PPP6R1: variants seen among roughly 807,000 people sequenced by gnomAD.
PPP6R1 encodes serine/threonine-protein phosphatase 6 regulatory subunit 1.
PPP6R1 carries 39 observed loss-of-function variants against 104.6 expected under a neutral mutation model. The ratio of observed to expected loss-of-function variants is 0.37; its 90% CI spans 0.29 to 0.49. The LOEUF is 0.49. Ranked by LOEUF, PPP6R1 falls within the 20% of genes least tolerant of loss-of-function variation. PPP6R1 has a pLI of 0.98. For synonymous variants in PPP6R1, 549 were observed against 479.0 expected (o/e 1.15, Z -1.91); for missense variants, 1,181 against 1,155.8 (o/e 1.02, Z -0.32).
intron 17 of PPP6R1, 110 bp downstream of exon 17, chr19:55,236,533 G>T (rs1202900028): frequency 1.6e-6 from 2 of 1,232,940 alleles, no homozygotes; most frequent in East Asian, 5.2e-5. Context: ...ACCAATGCAG[G>T]TTCCTTATTT....
At chr19:55,238,101 A>G (rs1362076671) in intron 15 of PPP6R1, among the ~76,000 whole-genome samples, 3 of 151,952 alleles carry the variant, frequency 2.0e-5, no homozygotes, top group African/African-American at 7.3e-5. Context: ...TGGTCTCACA[A>G]TGTTGCCCAG....
chr19:55,253,992 T>C (rs1568952026), intron 1 of PPP6R1, among the ~76,000 whole-genome samples: 1 of 152,162 alleles, frequency 6.6e-6, no homozygotes, highest in Non-Finnish European at 1.5e-5. Flanking sequence ...GCTCAGCAGG[T>C]GCAAGTCTCT....
At chr19:55,252,951 C>G (rs537785352) in intron 1 of PPP6R1, among the ~76,000 whole-genome samples, 23 of 152,288 alleles carry the variant, frequency 1.5e-4, no homozygotes, top group African/African-American at 5.5e-4. Context: ...GGGCCAGGCT[C>G]AGGCCTTGCA....
chr19:55,234,383 T>TTTTACAC (rs1258548665), intron 17 of PPP6R1, among the ~76,000 whole-genome samples: 1 of 152,156 alleles, frequency 6.6e-6, no homozygotes, highest in African/African-American at 2.4e-5. Context: ...AATATTTCCT[T>TTTTACAC]TTTACACAGG....
At chr19:55,228,760 G>A (rs1469464935), downstream of PPP6R1, 2 of 1,612,458 alleles carry the variant, frequency 1.2e-6, no homozygotes, top group Non-Finnish European at 1.7e-6. Context: ...GATAGCCCCA[G>A]AGCGACCTAA....
intron 5 of PPP6R1, among the ~76,000 whole-genome samples, chr19:55,244,336 G>A (rs2087486938): frequency 6.6e-6 from 1 of 152,242 alleles, no homozygotes. Flanking sequence ...CCCTGTGCTG[G>A]GCACCAGGAC....
rs1196370141 is a variant in PPP6R1 at position 55,230,504 on chromosome 19, G to T, written c.*24C>A. On this transcript the variant is annotated 3_prime_UTR_variant, in exon 24 of 24. Transcript: ENST00000412770. ...AGATCCACGGGAGGACGGAAGATTTGGCCGCCGCTGCCGCACCAGGCAGCT... is the reference window on the plus strand; with the variant it reads ...AGATCCACGGGAGGACGGAAGATTTTGCCGCCGCTGCCGCACCAGGCAGCT... 2 of 1,612,014 alleles carry T rather than the reference G, an allele frequency of 1.2e-6. No individual in the cohort carries two copies. The highest frequency in any genetic ancestry group is 1.7e-5 in the Admixed American group (1 of 59,988).
At chr19:55,255,291 G>A (rs536505028) in intron 1 of PPP6R1, among the ~76,000 whole-genome samples, 1 of 152,252 alleles carries the variant, frequency 6.6e-6, no homozygotes, top group East Asian at 1.9e-4. Flanking sequence ...ACTGGCCACA[G>A]GTTTAAAGGA....
intron 10 of PPP6R1, among the ~76,000 whole-genome samples, chr19:55,240,548 C>CACACACACACATGCATGCACTAACGG (rs2087444375): frequency 6.6e-6 from 1 of 151,624 alleles, no homozygotes; most frequent in Non-Finnish European, 1.5e-5. Context: ...CACACACACA[C>CACACACACACATGCATGCACTAACGG]ACACACACAT....
intron 15 of PPP6R1, among the ~76,000 whole-genome samples, chr19:55,237,222 G>C (rs2087408105): frequency 1.3e-5 from 2 of 152,294 alleles, no homozygotes; most frequent in South Asian, 2.1e-4. Flanking sequence ...CTTGGCTCTA[G>C]AAGTGAGAAA....
In PPP6R1 at chr19:55,232,077, G is replaced by A. The variant is rs1211651846; in HGVS notation, c.2123C>T (p.Pro708Leu). The change falls in exon 18 of 24, where the codon CCA (proline) becomes CTA (leucine). Residue 708 changes from proline (P) to leucine (L), a missense_variant and splice_region_variant. Pro to Leu is a moderately conservative substitution (Grantham distance 98, BLOSUM62 -3). Around this residue, in one of 2 missense-constraint regions of PPP6R1, gnomAD observed 1,042 missense variants for 955.6 expected, o/e 1.09. Transcript: ENST00000412770. ...LSYPSPGPQP[P>L]GPSWTATFDP... ...GACCACACCGCCCATTCATTCACCT[G>A]GAGGCTGAGGGCCAGGGCTGGGGTA... 1.9e-6 allele frequency: 3 copies of A among 1,611,518 alleles called. No homozygotes were observed. The highest frequency in any genetic ancestry group is 1.7e-6 in the Non-Finnish European group (2 of 1,179,010).
intron 1 of PPP6R1, among the ~76,000 whole-genome samples, chr19:55,248,892 C>T (rs1341686714): frequency 6.6e-6 from 1 of 152,224 alleles, no homozygotes; most frequent in Non-Finnish European, 1.5e-5. Context: ...GCCAGGCCAG[C>T]CTGGGGCCAG....
intron 1 of PPP6R1, 184 bp from the exon 2 acceptor site, chr19:55,247,293 T>C: frequency 1.6e-6 from 1 of 629,218 alleles, no homozygotes; most frequent in Non-Finnish European, 2.8e-6. Flanking sequence ...CCTCCATCAC[T>C]CAGGCTTAAG....
rs2087401983 is a variant in PPP6R1 at position 55,236,700 on chromosome 19, G to C, written c.1931C>G (p.Ala644Gly). ...GSGESDGEDG[A>G]WQGSQLARGA... The stretch of plus-strand genomic sequence containing the variant: ...CCTGGCCAGCTGGCTGCCCTGCCAG[G>C]CGCCATCTTCTCCATCAGACTCCCC... The change falls in exon 17 of 24, where the codon GCC (alanine) becomes GGC (glycine). Residue 644 changes from alanine to glycine, a missense_variant. This residue lies in a region of PPP6R1 where 1,042 missense variants were observed against 955.6 expected (regional missense o/e 1.09). Transcript: ENST00000412770. 6.2e-7 allele frequency: 1 copy of C among 1,611,402 alleles called. No homozygotes were observed. The highest frequency in any genetic ancestry group is 8.5e-7 in the Non-Finnish European group (1 of 1,178,816).
chr19:55,237,107 C>CAG (rs1305418414), intron 15 of PPP6R1, 137 bp from the exon 16 acceptor site: 6 of 868,050 alleles, frequency 6.9e-6, no homozygotes, highest in Non-Finnish European at 1.1e-5. Flanking sequence ...AATTCACACA[C>CAG]AACCCGAACC....
Position 55,241,388 on chromosome 19 carries a change from C to T in PPP6R1, c.1012G>A (p.Glu338Lys), listed in dbSNP as rs779477223. ...ATGCCCCATGTCATCTGTAGCGGCTCCAGCTGCAGACACAGGGAGGCCTGA... is the reference window on the plus strand; with the variant it reads ...ATGCCCCATGTCATCTGTAGCGGCTTCAGCTGCAGACACAGGGAGGCCTGA... ...HQLLLEPPKL[E>K]PLQMTWGMLA... The change falls in exon 9 of 24, where the codon GAG becomes AAG. Residue 338 changes from glutamate to lysine, a missense_variant. Coordinates refer to ENST00000412770, the MANE Select transcript of PPP6R1 (RefSeq NM_014931.4). This position sits in a 1 kb window ranked among gnomAD's most constrained non-coding sequence, Gnocchi z 5.4. 2.5e-6 allele frequency: 4 copies of T among 1,607,384 alleles called. No homozygotes were observed. The African/African-American group carries it at 5.3e-5, about 21-fold the overall frequency.
At position 55,236,927 on chromosome 19, in the gene PPP6R1, C is replaced by T. The variant is rs1358524417; in HGVS notation, c.1795G>A (p.Ala599Thr). The T allele has an allele frequency of 1.2e-6, 2 of 1,613,366 alleles. No homozygotes were observed. Among genetic ancestry groups the T allele is most frequent in the Non-Finnish European group, 8.5e-7 (1 of 1,179,274 alleles). ...GCAGTACTCACGTTCTCATCGTCAG[C>T]ATTGAGGGAGAAGGTGATGTTGGCT... is the stretch of plus-strand genomic sequence containing the variant. ...KTANITFSLNADDENPNANLL... is the reference protein window; with the variant it reads ...KTANITFSLNTDDENPNANLL... The change falls in exon 16 of 24, where the codon GCT (alanine) becomes ACT (threonine). Residue 599 changes from alanine to threonine, a missense_variant. Physicochemically the swap from Ala to Thr is moderately conservative, Grantham distance 58. Coordinates refer to ENST00000412770, the MANE Select transcript of PPP6R1 (RefSeq NM_014931.4).
chr19:55,245,414 C>T lies in PPP6R1; in HGVS notation c.415-12G>A, dbSNP rs770818706. 9.9e-6 allele frequency: 16 copies of T among 1,613,014 alleles called. No individual in the cohort carries two copies. Among genetic ancestry groups the T allele is most frequent in the African/African-American group, 2.7e-5 (2 of 74,926 alleles). Reference sequence around the variant, plus strand: ...AGAAAGGACACGAGCTGGGGGCACACGGGCTGCGTCATGCACAGGGCCTGG... The same window carrying T: ...AGAAAGGACACGAGCTGGGGGCACATGGGCTGCGTCATGCACAGGGCCTGG... On this transcript the variant is annotated splice_polypyrimidine_tract_variant and intron_variant, in intron 3 of 23. Coordinates refer to ENST00000412770, the MANE Select transcript of PPP6R1 (RefSeq NM_014931.4). The surrounding 1 kb of genome is among the most constrained non-coding windows in gnomAD (Gnocchi z 6.4).
intron 12 of PPP6R1, 41 bp downstream of exon 12, chr19:55,239,958 A>G (rs1187161736): frequency 3.2e-5 from 51 of 1,612,058 alleles, no homozygotes; most frequent in Non-Finnish European, 4.2e-5. Flanking sequence ...CGGGGCTTCA[A>G]GCCCCCCACC....
Sources: gnomAD v4.1 joint callset for allele counts (sites outside exome capture counted in the v4.1 genomes callset) on GRCh38, gnomAD v4.1.1 for gene constraint, gnomAD v4.1.1 regional missense constraint, Gnocchi (gnomAD v3.1) non-coding constraint, MANE v1.5 for transcripts, NCBI Gene and HGNC (gene_info 2026-07-23, HGNC 2026-07-21) for gene names.